The following FRMPD4 variants were observed in gnomAD, a reference collection of about 807,000 sequenced individuals.
The protein encoded by FRMPD4 is FERM and PDZ domain-containing protein 4.
A neutral mutation model predicts 94.1 loss-of-function variants in FRMPD4; 22 were observed. That is an observed-to-expected ratio of 0.23 (90% CI 0.17 to 0.33). The LOEUF (loss-of-function observed/expected upper bound fraction) is 0.33. FRMPD4 is among the 10% of genes least tolerant of loss of function. The pLI, the probability that FRMPD4 is intolerant of heterozygous loss-of-function variation, is 1.00. For missense variants in FRMPD4, 1,111 were observed against 1,339.9 expected, an observed-to-expected ratio of 0.83 and a Z score of 2.67; for synonymous variants, 631 against 548.6, an observed-to-expected ratio of 1.15 and a Z score of -2.10.
chrX:12,482,390 G>A (rs1318220196), intron 1 of FRMPD4, among the ~76,000 whole-genome samples: 2 of 112,323 alleles, frequency 1.8e-5, no homozygotes, highest in Non-Finnish European at 3.8e-5. Flanking sequence ...GGCTTAGGGA[G>A]ATGAGCTGAC....
chrX:12,642,229 A>G (rs182086844), intron 4 of FRMPD4, among the ~76,000 whole-genome samples: 22 of 111,598 alleles, frequency 2.0e-4, no homozygotes, highest in African/African-American at 6.5e-4. Context: ...AAGCAAATAC[A>G]TAGGTTATAA....
chrX:12,502,389 A>G (rs1409862974), intron 2 of FRMPD4, among the ~76,000 whole-genome samples: 1 of 111,857 alleles, frequency 8.9e-6, no homozygotes. Flanking sequence ...ATTACCAGTT[A>G]AGAGAGAGCA....
intron 1 of FRMPD4, among the ~76,000 whole-genome samples, chrX:12,438,042 C>A (rs949213920): frequency 5.4e-5 from 6 of 111,310 alleles, no homozygotes; most frequent in African/African-American, 2.0e-4. Context: ...CTGCTTCTGG[C>A]CTTTAGAAAT....
At chrX:11,828,693 T>C (rs1162717763) in intron 1 of FRMPD4, among the ~76,000 whole-genome samples, 1 of 111,979 alleles carries the variant, frequency 8.9e-6, no homozygotes, top group African/African-American at 3.3e-5. Context: ...ACAGCAAATT[T>C]CAAGAGAACC....
chrX:12,367,594 C>T (rs1382020863), intron 1 of FRMPD4, among the ~76,000 whole-genome samples: 1 of 111,274 alleles, frequency 9.0e-6, no homozygotes, highest in African/African-American at 3.3e-5. Flanking sequence ...CCGCTGCACT[C>T]GTTGGAGAGG....
At chrX:12,247,103 A>T (rs928325475) in intron 1 of FRMPD4, among the ~76,000 whole-genome samples, 1 of 111,420 alleles carries the variant, frequency 9.0e-6, no homozygotes, top group Admixed American at 9.6e-5. Flanking sequence ...GATTCTCAAC[A>T]TCAGTACTAT....
chrX:11,854,710 G>A (rs2053644254), intron 1 of FRMPD4, among the ~76,000 whole-genome samples: 1 of 112,783 alleles, frequency 8.9e-6, no homozygotes, highest in Admixed American at 9.3e-5. Context: ...TGATGTAAAT[G>A]TGGGCTCCCA....
chrX:12,265,628 T>G (rs1309165591), intron 1 of FRMPD4, among the ~76,000 whole-genome samples: 1 of 111,524 alleles, frequency 9.0e-6, no homozygotes, highest in Non-Finnish European at 1.9e-5. Flanking sequence ...TTTTCTTTTT[T>G]TTTTCTCTGA....
intron 1 of FRMPD4, among the ~76,000 whole-genome samples, chrX:12,244,535 C>G (rs183201725): frequency 8.9e-6 from 1 of 112,171 alleles, no homozygotes; most frequent in Admixed American, 9.4e-5. Flanking sequence ...AGTCAAAGCC[C>G]CTTTTGTATT....
chrX:12,281,851 G>C (rs1167328989), intron 1 of FRMPD4, among the ~76,000 whole-genome samples: 1 of 110,933 alleles, frequency 9.0e-6, no homozygotes, highest in African/African-American at 3.3e-5. Flanking sequence ...GAAAATTGGG[G>C]TTCAGAGATG....
Position 12,609,744 on chromosome X carries a change from T to C in FRMPD4, c.182T>C (p.Phe61Ser). The C allele has an allele frequency of 8.3e-7, 1 of 1,209,665 alleles. No homozygotes were observed. The highest frequency in any genetic ancestry group is 1.1e-6 in the Non-Finnish European group (1 of 893,280). Reference protein sequence around the residue: ...FINHMTQAIPFDDPRLESCQI... With the variant: ...FINHMTQAIPSDDPRLESCQI... ...AGTCACATGACACAGGCAATCCCTT[T>C]TGACGACCCTCGGTTAGAGAGCTGC... The change falls in exon 3 of 17, where the codon TTT (phenylalanine) becomes TCT (serine). Residue 61 changes from phenylalanine (F) to serine (S), a missense_variant. This residue lies in a region of FRMPD4 where 140 missense variants were observed against 165.9 expected (regional missense o/e 0.84). Transcript: ENST00000675598.
intron 3 of FRMPD4, among the ~76,000 whole-genome samples, chrX:12,057,386 A>G (rs1339526357): frequency 8.9e-6 from 1 of 112,064 alleles, no homozygotes; most frequent in Non-Finnish European, 1.9e-5. Flanking sequence ...TATTAATGAT[A>G]TATGTTAAGA....
chrX:12,343,656 A>AT (rs987714756), intron 1 of FRMPD4, among the ~76,000 whole-genome samples: 51 of 111,798 alleles, frequency 4.6e-4, no homozygotes, highest in African/African-American at 1.6e-3. Flanking sequence ...TAGTTAATGT[A>AT]TTTTTTTAAT....
intron 3 of FRMPD4, among the ~76,000 whole-genome samples, chrX:11,946,913 G>A (rs1174567732): frequency 2.7e-5 from 3 of 111,845 alleles, no homozygotes; most frequent in South Asian, 3.8e-4. Flanking sequence ...ACTGAATTAC[G>A]CCACTGGTTT....
rs187204894 is a variant in FRMPD4 at position 12,386,423 on chromosome X, A to C, written c.42-112257A>C. On this transcript the variant is annotated intron_variant, in intron 1 of 16. Transcript: ENST00000675598. ...GGATTGATTAGGAGGGACTTTTTCT[A>C]ATTTTTGTGGTTCAGCCTTGAATTT... is the stretch of plus-strand genomic sequence containing the variant. 7.0e-4 allele frequency among the ~76,000 whole-genome samples: 79 copies of C among 112,097 alleles called. 1 individual carries two copies. Among genetic ancestry groups the C allele is most frequent in the African/African-American group, 2.5e-3 (76 of 30,881 alleles).
At chrX:12,397,420 A>G (rs2056556796) in intron 1 of FRMPD4, among the ~76,000 whole-genome samples, 1 of 112,077 alleles carries the variant, frequency 8.9e-6, no homozygotes, top group Non-Finnish European at 1.9e-5. Context: ...AACTGCAGCT[A>G]TCAAGTCATG....
At chrX:11,882,428 G>A (rs2053819264) in intron 3 of FRMPD4, among the ~76,000 whole-genome samples, 1 of 111,218 alleles carries the variant, frequency 9.0e-6, no homozygotes, top group African/African-American at 3.3e-5. Context: ...TATAATAAAG[G>A]AGCATTTTGT....
chrX:12,564,563 TTTAATAG>T (rs761979387), intron 2 of FRMPD4, among the ~76,000 whole-genome samples: 24 of 112,092 alleles, frequency 2.1e-4, no homozygotes, highest in Non-Finnish European at 4.1e-4. Context: ...AGTTTCACAA[TTTAATAG>T]TTAATTTCAA....
rs867415283 is a variant in FRMPD4 at position 11,945,131 on chromosome X, G to A, written c.95+67113G>A. On this transcript the variant is annotated intron_variant, in intron 3 of 18. Transcript: ENST00000640291. ...GAGGATTCCAGTGAACAACCAGGTTGAAACCTCATTTTCTTGCCCCTCCAA... is the reference window on the plus strand; with the variant it reads ...GAGGATTCCAGTGAACAACCAGGTTAAAACCTCATTTTCTTGCCCCTCCAA... Among the ~76,000 whole-genome samples the A allele has an allele frequency of 1.7e-4, 19 of 111,349 alleles. No homozygotes were observed. The Middle Eastern group carries it at 0.019, about 109-fold the overall frequency.
Sources: allele counts gnomAD v4.1 joint callset (sites outside exome capture counted in the v4.1 genomes callset), GRCh38; gene constraint gnomAD v4.1.1; regional missense constraint gnomAD v4.1.1; transcripts MANE v1.5; gene names NCBI Gene and HGNC (gene_info 2026-07-23, HGNC 2026-07-21).